SERINC1: variants seen among roughly 807,000 people sequenced by gnomAD.
The protein encoded by SERINC1 is serine incorporator 1, also known as tumor differentially expressed protein 2.
SERINC1 carries 38 observed loss-of-function variants against 52.9 expected under a neutral mutation model. That is an observed-to-expected ratio of 0.72 (90% CI 0.55 to 0.94). SERINC1 has a LOEUF of 0.94. Among genes scored for constraint, SERINC1 ranks in the 40% least tolerant of loss-of-function variants. The pLI is 0.00. For missense variants in SERINC1, 471 were observed against 533.9 expected (o/e 0.88, Z 1.16); for synonymous variants, 198 against 183.1 (o/e 1.08, Z -0.66).
At chr6:122,453,089 C>T (rs988120819) in intron 5 of SERINC1, among the ~76,000 whole-genome samples, 3 of 152,152 alleles carry the variant, frequency 2.0e-5, no homozygotes, top group African/African-American at 7.2e-5. Flanking sequence ...TAGTAATGCA[C>T]TTTAGATGGG....
chr6:122,462,724 A>T (rs138463252), intron 1 of SERINC1, among the ~76,000 whole-genome samples: 1 of 152,380 alleles, frequency 6.6e-6, no homozygotes, highest in East Asian at 1.9e-4. Context: ...TCATGTTTCT[A>T]CGTATTAGTA....
rs533515259 is a variant in SERINC1, at chr6:122,459,760, A to G, written c.40-1079T>C. Among the ~76,000 whole-genome samples, 100 of 152,312 alleles carry G rather than the reference A, an allele frequency of 6.6e-4. 1 individual carries two copies. The highest frequency in any genetic ancestry group is 1.9e-3 in the South Asian group (9 of 4,830). On this transcript the variant is annotated intron_variant, in intron 1 of 9. Transcript: ENST00000339697. The stretch of plus-strand genomic sequence containing the variant: ...TTTGTTAAAAAAGGAGACCTCAAAA[A>G]TGAAGTAAGAACAGAACACAATGGA...
chr6:122,447,268 G>A lies in SERINC1; in HGVS notation c.851-3C>T, dbSNP rs1774822579. On this transcript the variant is annotated splice_polypyrimidine_tract_variant and splice_region_variant and intron_variant, in intron 7 of 9. Coordinates refer to ENST00000339697, the MANE Select transcript of SERINC1 (RefSeq NM_020755.4). Reference sequence around the variant, plus strand: ...TAGACTTGGGTTGCAATTTGTTTCTGTAATATAAAGCCAAATTAAAATGTT... The same window carrying A: ...TAGACTTGGGTTGCAATTTGTTTCTATAATATAAAGCCAAATTAAAATGTT... The A allele has an allele frequency of 6.3e-7, 1 of 1,595,866 alleles. No individual in the cohort carries two copies. The highest frequency in any genetic ancestry group is 8.6e-7 in the Non-Finnish European group (1 of 1,168,642).
In SERINC1 at chr6:122,443,956, T is replaced by G. The variant is rs927720373; in HGVS notation, c.*1088A>C. The G allele has an allele frequency of 1.3e-5, 2 of 152,168 alleles. No individual in the cohort carries two copies. Among genetic ancestry groups the G allele is most frequent in the African/African-American group, 4.8e-5 (2 of 41,444 alleles). The allele number at this position is 152,168 out of a possible 1,614,324, so 9.4% of individuals were successfully genotyped here. A position where few individuals can be genotyped will look rare whatever the true frequency, so the allele number is the denominator to read the frequency against. Reference sequence around the variant, plus strand: ...AAGTACCTACTAAAGCCTAGTGTTTTGCAGTTACTTCCTTCCCTGTCAAAA... The same window carrying G: ...AAGTACCTACTAAAGCCTAGTGTTTGGCAGTTACTTCCTTCCCTGTCAAAA... On this transcript the variant is annotated 3_prime_UTR_variant, in exon 10 of 10. Coordinates refer to ENST00000339697, the MANE Select transcript of SERINC1 (RefSeq NM_020755.4).
At chr6:122,468,080 T>C (rs1054773555) in intron 1 of SERINC1, among the ~76,000 whole-genome samples, 3 of 152,180 alleles carry the variant, frequency 2.0e-5, no homozygotes, top group East Asian at 3.8e-4. Flanking sequence ...TACAGAATTA[T>C]GAATTAAAAA....
At chr6:122,445,883 C>CAACAAAAAAAAAAAA (rs775303717) in intron 9 of SERINC1, among the ~76,000 whole-genome samples, 2 of 62,836 alleles carry the variant, frequency 3.2e-5, no homozygotes, top group Non-Finnish European at 5.6e-5. Flanking sequence ...GACTCCATTT[C>CAACAAAAAAAAAAAA]AAAAAAAAAA....
chr6:122,446,102 AG>A (rs1206836548), intron 9 of SERINC1, among the ~76,000 whole-genome samples: 1 of 152,132 alleles, frequency 6.6e-6, no homozygotes, highest in Non-Finnish European at 1.5e-5. Flanking sequence ...TATTAAAAAC[AG>A]AACTTCCCAA....
chr6:122,466,157 G>T (rs917353475), intron 1 of SERINC1, among the ~76,000 whole-genome samples: 2 of 152,064 alleles, frequency 1.3e-5, no homozygotes, highest in African/African-American at 2.4e-5. Context: ...CTTGGGAGGC[G>T]GAATTGCTCG....
chr6:122,459,127 T>C (rs1408380025), intron 1 of SERINC1, among the ~76,000 whole-genome samples: 4 of 152,202 alleles, frequency 2.6e-5, no homozygotes. Context: ...TGAATTGATA[T>C]ATTTTCCTTC....
At chr6:122,447,032 G>GA in intron 8 of SERINC1, 28 bp from the exon 9 acceptor site, 29 of 1,567,698 alleles carry the variant, frequency 1.8e-5, no homozygotes, top group Non-Finnish European at 2.4e-5. Flanking sequence ...TAGGAGGAGA[G>GA]AAAAAAAAGA....
At position 122,444,860 on chromosome 6, in the gene SERINC1, C is replaced by G. The variant is rs746239627; in HGVS notation, c.*184G>C. The G allele has an allele frequency of 5.1e-6, 3 of 593,176 alleles. No individual in the cohort carries two copies. Among genetic ancestry groups the G allele is most frequent in the African/African-American group, 1.9e-5 (1 of 53,258 alleles). The allele number at this position is 593,176 out of a possible 1,614,324, so 36.7% of individuals were successfully genotyped here. A position where few individuals can be genotyped will look rare whatever the true frequency, so the allele number is the denominator to read the frequency against. On this transcript the variant is annotated 3_prime_UTR_variant, in exon 10 of 10. Transcript: ENST00000339697. ...ATAAAACTTTCCTCTGCAATTCATT[C>G]TACTTCACATATCAATGCACTTGGT...
intron 1 of SERINC1, among the ~76,000 whole-genome samples, chr6:122,459,569 T>C (rs1452959892): frequency 1.3e-5 from 2 of 152,196 alleles, no homozygotes; most frequent in African/African-American, 2.4e-5. Flanking sequence ...GGCAACTATG[T>C]AAATATACTT....
chr6:122,450,078 A>G (rs1774878393), intron 7 of SERINC1, among the ~76,000 whole-genome samples: 1 of 152,226 alleles, frequency 6.6e-6, no homozygotes, highest in African/African-American at 2.4e-5. Flanking sequence ...AATAAAGACA[A>G]CATAGACTTC....
chr6:122,456,795 C>A, intron 2 of SERINC1, 145 bp from the exon 3 acceptor site: 1 of 574,694 alleles, frequency 1.7e-6, no homozygotes, highest in Non-Finnish European at 2.9e-6. Flanking sequence ...CAAGATGAGT[C>A]TGATACATTT....
intron 1 of SERINC1, among the ~76,000 whole-genome samples, chr6:122,471,016 C>A (rs1305860512): frequency 6.6e-6 from 1 of 150,698 alleles, no homozygotes. Context: ...AGATGACACA[C>A]GCATGTTTTG....
chr6:122,448,106 C>CA (rs879702470), intron 7 of SERINC1, among the ~76,000 whole-genome samples: 1,997 of 65,028 alleles, frequency 0.031, 33 homozygotes, highest in East Asian at 0.12. Context: ...GACTCTGTCT[C>CA]AAAAAAAAAA....
intron 5 of SERINC1, 127 bp downstream of exon 5, chr6:122,453,643 G>A (rs969111811): frequency 2.3e-5 from 16 of 694,736 alleles, no homozygotes; most frequent in Admixed American, 2.2e-4. Context: ...CACTCACAAA[G>A]TTTAAATTAA....
Position 122,446,832 on chromosome 6 carries a change from G to T in SERINC1, c.1168C>A (p.His390Asn). The T allele has an allele frequency of 2.5e-6, 4 of 1,614,062 alleles. No individual in the cohort carries two copies. Among genetic ancestry groups the T allele is most frequent in the Non-Finnish European group, 3.4e-6 (4 of 1,179,930 alleles). ...DGVTYSYSFF[H>N]FMLFLASLYI... Reference sequence around the variant, plus strand: ...AGTGAAGCCAGGAAAAGCATGAAGTGAAAGAAGGAATAACTGTAAGTGACA... The same window carrying T: ...AGTGAAGCCAGGAAAAGCATGAAGTTAAAGAAGGAATAACTGTAAGTGACA... The change falls in exon 9 of 10, where the codon CAC becomes AAC. Residue 390 changes from histidine to asparagine, a missense_variant. His to Asn is a moderately conservative substitution (Grantham distance 68). Coordinates refer to ENST00000339697, the MANE Select transcript of SERINC1 (RefSeq NM_020755.4).
At chr6:122,448,640 T>C (rs976001270) in intron 7 of SERINC1, among the ~76,000 whole-genome samples, 1 of 152,128 alleles carries the variant, frequency 6.6e-6, no homozygotes, top group African/African-American at 2.4e-5. Context: ...TGTGAAAAAA[T>C]TATACTGTTC....
Sources: gnomAD v4.1 joint callset for allele counts (sites outside exome capture counted in the v4.1 genomes callset) on GRCh38, gnomAD v4.1.1 for gene constraint, MANE v1.5 for transcripts, NCBI Gene and HGNC (gene_info 2026-07-23, HGNC 2026-07-21) for gene names.